Variants in GORASP2 observed in about 807,000 individuals in gnomAD.
GORASP2 encodes golgi reassembly stacking protein 2.
GORASP2 carries 22 observed loss-of-function variants against 45.7 expected under a neutral mutation model. The ratio of observed to expected loss-of-function variants is 0.48; its 90% CI spans 0.34 to 0.69. The LOEUF (loss-of-function observed/expected upper bound fraction) is 0.69. Among genes scored for constraint, GORASP2 ranks in the 30% least tolerant of loss-of-function variants. GORASP2 has a pLI of 0.01. For missense variants in GORASP2, 491 were observed against 562.7 expected (o/e 0.87, Z 1.29); for synonymous variants, 221 against 215.6 (o/e 1.02, Z -0.22).
At chr2:170,949,949 T>C in intron 3 of GORASP2, 1 of 565,506 alleles carries the variant, frequency 1.8e-6, no homozygotes, top group Non-Finnish European at 3.2e-6. Flanking sequence ...TTAAGAACTT[T>C]TTCTAATGAT....
rs750447225 is a variant in GORASP2, at chr2:170,954,769, A to G, written c.686A>G (p.Asp229Gly). The change falls in exon 6 of 10, where the codon GAT becomes GGT. Residue 229 changes from aspartate (D) to glycine (G), a missense_variant. Asp to Gly is a moderately conservative substitution (Grantham distance 94). Around this residue, in one of 2 missense-constraint regions of GORASP2, gnomAD observed 297 missense variants for 292.3 expected, o/e 1.02. Coordinates refer to ENST00000234160, the MANE Select transcript of GORASP2 (RefSeq NM_015530.5). ...MAGTPITPLK[D>G]GFTEVQLSSV... is the part of the protein sequence containing the mutation. Reference sequence around the variant, plus strand: ...GGTACACCTATTACACCTCTTAAAGATGGGTTTACAGAGGTAAGATCACGT... The same window carrying G: ...GGTACACCTATTACACCTCTTAAAGGTGGGTTTACAGAGGTAAGATCACGT... 4 of 1,612,922 alleles carry G rather than the reference A, an allele frequency of 2.5e-6. No individual in the cohort carries two copies. The Admixed American group carries it at 6.7e-5, about 27-fold the overall frequency.
chr2:170,963,746 C>G (rs1335656236), intron 9 of GORASP2, among the ~76,000 whole-genome samples: 2 of 152,018 alleles, frequency 1.3e-5, no homozygotes, highest in Non-Finnish European at 1.5e-5. Context: ...AGGATCAAGC[C>G]ATCCTCTCAC....
intron 3 of GORASP2, 141 bp from the exon 4 acceptor site, chr2:170,950,063 T>C (rs906861337): frequency 1.8e-6 from 1 of 567,118 alleles, no homozygotes; most frequent in Non-Finnish European, 3.1e-6. Flanking sequence ...ATATATTCTG[T>C]AGTTTCTGAC....
intron 1 of GORASP2, among the ~76,000 whole-genome samples, chr2:170,942,155 G>A (rs147614354): frequency 3.3e-5 from 5 of 152,148 alleles, no homozygotes; most frequent in Admixed American, 1.3e-4. Context: ...TTTGTTTAGT[G>A]TCTGCTAAAA....
chr2:170,932,384 A>G (rs890831624), intron 1 of GORASP2, among the ~76,000 whole-genome samples: 11 of 152,160 alleles, frequency 7.2e-5, no homozygotes, highest in African/African-American at 2.7e-4. Flanking sequence ...TCATGCTTTC[A>G]GTTAGCTCAC....
At chr2:170,956,388 T>G (rs1164723615) in intron 6 of GORASP2, 48 bp from the exon 7 acceptor site, 17 of 1,529,446 alleles carry the variant, frequency 1.1e-5, no homozygotes, top group Admixed American at 2.0e-5. Flanking sequence ...ATATTTTCTT[T>G]GAAATAAACT....
rs773884690 is a variant in GORASP2, at chr2:170,965,778, T to G, written c.1019-12T>G. ...CTGGGAGGATGTATGATCTATGCCG[T>G]TTTTGTCCTAGGTCTGCCACCTCTT... On this transcript the variant is annotated splice_polypyrimidine_tract_variant and intron_variant, in intron 9 of 9. Coordinates refer to ENST00000234160, the MANE Select transcript of GORASP2 (RefSeq NM_015530.5). 1 of 1,596,902 alleles carries G rather than the reference T, an allele frequency of 6.3e-7. No individual in the cohort carries two copies. The highest frequency in any genetic ancestry group is 1.7e-5 in the Admixed American group (1 of 59,992).
At chr2:170,949,777 A>G (rs1277830305) in intron 3 of GORASP2, 35 bp downstream of exon 3, 1 of 1,427,528 alleles carries the variant, frequency 7.0e-7, no homozygotes, top group Non-Finnish European at 9.9e-7. Context: ...CTGGAGGTTC[A>G]TGAAGCAGTG....
intron 1 of GORASP2, among the ~76,000 whole-genome samples, chr2:170,934,912 A>G (rs1457233125): frequency 1.3e-5 from 2 of 151,844 alleles, no homozygotes; most frequent in Non-Finnish European, 2.9e-5. Context: ...TAATTTTTGT[A>G]TTTTTAGTAG....
chr2:170,961,133 A>G (rs997951846), intron 7 of GORASP2, among the ~76,000 whole-genome samples: 3 of 152,184 alleles, frequency 2.0e-5, no homozygotes, highest in Non-Finnish European at 4.4e-5. Context: ...GTCAAAAGGA[A>G]ATGGACATTC....
At chr2:170,962,653 A>G (rs1704590093) in intron 8 of GORASP2, among the ~76,000 whole-genome samples, 186 bp from the exon 9 acceptor site, 1 of 152,230 alleles carries the variant, frequency 6.6e-6, no homozygotes, top group Admixed American at 6.5e-5. Flanking sequence ...TCACTTAGGT[A>G]GATAAATATA....
In GORASP2 at chr2:170,929,451, C is replaced by G. The variant is rs553822168; in HGVS notation, c.63+48C>G. On this transcript the variant is annotated intron_variant, in intron 1 of 9. Coordinates refer to ENST00000234160, the MANE Select transcript of GORASP2 (RefSeq NM_015530.5). ...GGGAGCTGCGGGCTGGAGGCGGGGC[C>G]GGCCGCGGGGAGGCGGAGGCCCCCA... 5.8e-4 allele frequency: 758 copies of G among 1,305,096 alleles called. 9 individuals are homozygous for G. In the South Asian group the frequency reaches 0.013, roughly 22 times the overall value. 80.8% of individuals were successfully genotyped at this position (1,305,096 alleles called of 1,614,324 possible).
At chr2:170,961,542 TC>T in intron 7 of GORASP2, 120 bp from the exon 8 acceptor site, 2 of 709,370 alleles carry the variant, frequency 2.8e-6, no homozygotes, top group Non-Finnish European at 2.6e-6. Flanking sequence ...CAGCTGGAAA[TC>T]GGGACCAAAT....
chr2:170,957,458 A>G lies in GORASP2; in HGVS notation c.823+899A>G, dbSNP rs746722097. On this transcript the variant is annotated intron_variant, in intron 7 of 9. Transcript: ENST00000234160. ...TACGGCAGCCAATTTTTGTATTTTT[A>G]GTAGAGACGGTTTCGCCATGTTGGC... Among the ~76,000 whole-genome samples the G allele has an allele frequency of 2.8e-4, 42 of 152,076 alleles. 1 individual carries two copies. The highest frequency in any genetic ancestry group is 5.4e-4 in the Non-Finnish European group (37 of 68,002).
chr2:170,954,408 T>C (rs899171511), intron 5 of GORASP2: 3 of 440,536 alleles, frequency 6.8e-6, no homozygotes, highest in South Asian at 3.4e-5. Flanking sequence ...AAGGGTGATA[T>C]CCACAGTGGA....
chr2:170,957,737 A>G (rs1020160733), intron 7 of GORASP2, among the ~76,000 whole-genome samples: 16 of 152,234 alleles, frequency 1.1e-4, no homozygotes, highest in African/African-American at 3.9e-4. Context: ...GTATTTGTAG[A>G]GTTGTACAAC....
Position 170,936,913 on chromosome 2 carries a change from T to TA in GORASP2, c.63+7518dup, listed in dbSNP as rs1463185696. Among the ~76,000 whole-genome samples the TA allele has an allele frequency of 3.9e-5, 6 of 152,112 alleles. No individual in the cohort carries two copies. In the South Asian group the frequency reaches 1.0e-3, roughly 26 times the overall value. ...TAATTAATTAATTCGTTAATTTTTT[T>TA]AAAAAAAATTTAAGGCTAGGTGCGG... On this transcript the variant is annotated intron_variant, in intron 1 of 9. Transcript: ENST00000234160.
Position 170,956,521 on chromosome 2 carries a change from G to C in GORASP2, c.785G>C (p.Ser262Thr). Residue 262 changes from serine to threonine, a missense_variant, in exon 7 of 10, where the codon AGC (serine) becomes ACC (threonine). Physicochemically the swap from Ser to Thr is moderately conservative, Grantham distance 58. Transcript: ENST00000234160. ...CAGAGTCTGACTGGACTTTCTATTA[G>C]CTCAACTCCACCAGCTGTCAGTAGT... The part of the protein sequence containing the change: ...IEQSLTGLSI[S>T]STPPAVSSVL... 6.2e-7 allele frequency: 1 copy of C among 1,613,088 alleles called. No individual in the cohort carries two copies. Among genetic ancestry groups the C allele is most frequent in the South Asian group, 1.1e-5 (1 of 91,022 alleles).
chr2:170,963,491 C>T (rs1259008604), intron 9 of GORASP2, among the ~76,000 whole-genome samples: 1 of 122,904 alleles, frequency 8.1e-6, no homozygotes. Context: ...CTCCTCCCGC[C>T]CCCCTCCCCC....
Sources: gnomAD v4.1 joint callset for allele counts (sites outside exome capture counted in the v4.1 genomes callset) on GRCh38, gnomAD v4.1.1 for gene constraint, gnomAD v4.1.1 regional missense constraint, MANE v1.5 for transcripts, NCBI Gene and HGNC (gene_info 2026-07-23, HGNC 2026-07-21) for gene names.